The following RPS6KC1 variants were observed in gnomAD, a reference collection of about 807,000 sequenced individuals.
RPS6KC1 encodes ribosomal protein S6 kinase C1.
Under a neutral mutation model 103.8 loss-of-function variants are expected in RPS6KC1, and 54 were observed. The ratio of observed to expected loss-of-function variants is 0.52; its 90% CI spans 0.42 to 0.65. The LOEUF (loss-of-function observed/expected upper bound fraction) is 0.65, where lower values mean the gene tolerates loss of function less well. Among genes scored for constraint, RPS6KC1 ranks in the 30% least tolerant of loss-of-function variants. The pLI is 0.00. For missense variants in RPS6KC1, 1,151 were observed against 1,253.8 expected (o/e 0.92, Z 1.24); for synonymous variants, 439 against 438.7 (o/e 1.00, Z -0.01).
chr1:213,556,499 T>C, the RPS6KC1 span, among the ~76,000 whole-genome samples: 1 of 152,186 alleles, frequency 6.6e-6, no homozygotes, highest in East Asian at 1.9e-4. Flanking sequence ...GGAGCAGGCT[T>C]ACCTAGGCTG....
chr1:213,066,091 A>G (rs945612822), intron 1 of RPS6KC1, among the ~76,000 whole-genome samples: 5 of 152,224 alleles, frequency 3.3e-5, no homozygotes, highest in Non-Finnish European at 5.9e-5. Flanking sequence ...AATTCTTCGC[A>G]AATGTAAATG....
At chr1:213,840,196 C>G in the RPS6KC1 span, 1 of 152,136 alleles carries the variant, frequency 6.6e-6, no homozygotes. Flanking sequence ...CCTGTCCTCT[C>G]CTGTCACAAA....
the RPS6KC1 span, among the ~76,000 whole-genome samples, chr1:213,861,719 A>G: frequency 4.6e-5 from 7 of 152,284 alleles, no homozygotes; most frequent in African/African-American, 1.7e-4. Context: ...GTTTTTCAAC[A>G]TTTATTTTGT....
chr1:213,118,021 C>CAAAAAAAAAAAATAAAAA (rs2083878929), intron 5 of RPS6KC1, among the ~76,000 whole-genome samples: 1 of 34,182 alleles, frequency 2.9e-5, no homozygotes, highest in Admixed American at 2.9e-4. Context: ...GACTTTGTCT[C>CAAAAAAAAAAAATAAAAA]AAAAAAAAAA....
the RPS6KC1 span, among the ~76,000 whole-genome samples, chr1:213,854,558 TTCTTTCTCTC>T: frequency 5.4e-5 from 6 of 111,654 alleles, no homozygotes; most frequent in South Asian, 2.7e-4. Context: ...CTTTCTTTCT[TTCTTTCTCTC>T]TCTCTCTCTC....
chr1:213,437,944 C>G, the RPS6KC1 span, among the ~76,000 whole-genome samples: 1 of 151,602 alleles, frequency 6.6e-6, no homozygotes, highest in Admixed American at 6.6e-5. Flanking sequence ...TTCTGATTTT[C>G]TTTTTTATTT....
the RPS6KC1 span, among the ~76,000 whole-genome samples, chr1:213,859,176 T>C: frequency 2.6e-5 from 4 of 152,174 alleles, no homozygotes; most frequent in African/African-American, 9.7e-5. Flanking sequence ...AGGTTAAAGT[T>C]GTAAGAAAGA....
intron 6 of RPS6KC1, among the ~76,000 whole-genome samples, chr1:213,157,241 T>G (rs2089991186): frequency 6.6e-6 from 1 of 151,100 alleles, no homozygotes; most frequent in Non-Finnish European, 1.5e-5. Flanking sequence ...TGAGACAGAG[T>G]CTTGCCCTGT....
At position 213,051,262 on chromosome 1, in the gene RPS6KC1, A is replaced by C. The variant is rs1002040980; in HGVS notation, c.-143A>C. 10 of 624,404 alleles carry C rather than the reference A, an allele frequency of 1.6e-5. No homozygotes were observed. The highest frequency in any genetic ancestry group is 2.5e-5 in the Non-Finnish European group (9 of 352,976). The allele number at this position is 624,404 out of a possible 1,614,324, so 38.7% of individuals were successfully genotyped here. On this transcript the variant is annotated 5_prime_UTR_variant, in exon 1 of 15. Transcript: ENST00000366960. ...TGCTGACCCGGAAGCAGAGCTGTGC[A>C]GCTGAGGCGCCGCCGTGGAGCCGCC...
At chr1:213,430,091 C>T in the RPS6KC1 span, among the ~76,000 whole-genome samples, 3 of 152,262 alleles carry the variant, frequency 2.0e-5, no homozygotes, top group African/African-American at 7.2e-5. Flanking sequence ...TCGCAGTCAC[C>T]TAGTCGTCTT....
chr1:213,090,482 CAA>C (rs1470562969), intron 3 of RPS6KC1, among the ~76,000 whole-genome samples: 1 of 152,154 alleles, frequency 6.6e-6, no homozygotes, highest in Non-Finnish European at 1.5e-5. Context: ...ATGATGTCAT[CAA>C]AAGTCAATCC....
chr1:213,536,193 T>C, the RPS6KC1 span, among the ~76,000 whole-genome samples: 3 of 152,168 alleles, frequency 2.0e-5, no homozygotes, highest in Non-Finnish European at 4.4e-5. Flanking sequence ...GTTTCGGCCC[T>C]TCAGGTCTGT....
the RPS6KC1 span, among the ~76,000 whole-genome samples, chr1:213,667,062 G>A: frequency 1.3e-5 from 2 of 152,188 alleles, no homozygotes. Flanking sequence ...AACGAAACAG[G>A]TTTGTAAGTC....
the RPS6KC1 span, among the ~76,000 whole-genome samples, chr1:213,414,795 G>T: frequency 1.3e-5 from 2 of 151,714 alleles, no homozygotes; most frequent in African/African-American, 4.8e-5. Flanking sequence ...ACTGGAAGCA[G>T]GAGGGGGTTT....
chr1:213,305,370 A>G, the RPS6KC1 span, among the ~76,000 whole-genome samples: 1 of 152,244 alleles, frequency 6.6e-6, no homozygotes, highest in Admixed American at 6.5e-5. Flanking sequence ...GGCATGAGCC[A>G]CTGTGCCTGG....
chr1:213,353,650 T>C, the RPS6KC1 span, among the ~76,000 whole-genome samples: 1 of 152,162 alleles, frequency 6.6e-6, no homozygotes, highest in Non-Finnish European at 1.5e-5. Flanking sequence ...ACCCAGGAGG[T>C]TGCCTTTAAT....
At chr1:213,541,342 A>G in the RPS6KC1 span, among the ~76,000 whole-genome samples, 3 of 151,834 alleles carry the variant, frequency 2.0e-5, no homozygotes, top group Admixed American at 6.6e-5. Flanking sequence ...AATAATAATG[A>G]AAGTGTTTGA....
At chr1:213,391,872 A>C in the RPS6KC1 span, among the ~76,000 whole-genome samples, 1 of 152,158 alleles carries the variant, frequency 6.6e-6, no homozygotes, top group Non-Finnish European at 1.5e-5. Flanking sequence ...AATATGTGTT[A>C]ATTGTCCTTA....
the RPS6KC1 span, among the ~76,000 whole-genome samples, chr1:213,568,177 A>T: frequency 6.6e-6 from 1 of 152,208 alleles, no homozygotes; most frequent in Non-Finnish European, 1.5e-5. Context: ...CTTCTATTTG[A>T]CTGTAAAGAT....
Sources: allele counts gnomAD v4.1 joint callset (sites outside exome capture counted in the v4.1 genomes callset), GRCh38; gene constraint gnomAD v4.1.1; transcripts MANE v1.5; gene names NCBI Gene and HGNC (gene_info 2026-07-23, HGNC 2026-07-21).